The following MDFIC2 variants were observed in gnomAD, a reference collection of about 807,000 sequenced individuals.
MDFIC2 encodes the protein myoD family inhibitor domain-containing protein 2.
At chr3:70,225,169 T>A (rs1701491769) in intron 2 of MDFIC2, among the ~76,000 whole-genome samples, 1 of 152,130 alleles carries the variant, frequency 6.6e-6, no homozygotes, top group South Asian at 2.1e-4. Context: ...TTTTGTGCCA[T>A]GATGAACTAG....
At chr3:70,301,828 C>T (rs1288429258) in intron 2 of MDFIC2, among the ~76,000 whole-genome samples, 1 of 151,936 alleles carries the variant, frequency 6.6e-6, no homozygotes, top group Non-Finnish European at 1.5e-5. Context: ...GGTAACTCTA[C>T]AGGAAGTTTA....
At chr3:70,242,951 A>T (rs1701676263) in intron 2 of MDFIC2, among the ~76,000 whole-genome samples, 1 of 152,070 alleles carries the variant, frequency 6.6e-6, no homozygotes, top group South Asian at 2.1e-4. Flanking sequence ...AAAAGACTTT[A>T]AAAAAATTGC....
intron 2 of MDFIC2, among the ~76,000 whole-genome samples, chr3:70,276,483 G>C (rs1702027669): frequency 6.6e-6 from 1 of 152,112 alleles, no homozygotes; most frequent in Non-Finnish European, 1.5e-5. Context: ...AGAAGTGGCT[G>C]TCCAGTGAAT....
At chr3:70,283,734 G>T (rs566987246) in intron 2 of MDFIC2, 1 of 148,714 alleles carries the variant, frequency 6.7e-6, no homozygotes, top group Non-Finnish European at 1.5e-5. Flanking sequence ...ATTTCATACA[G>T]AGTAACAGAG....
chr3:70,285,232 A>C (rs1702131828), intron 2 of MDFIC2, among the ~76,000 whole-genome samples: 1 of 108,796 alleles, frequency 9.2e-6, no homozygotes, highest in Admixed American at 1.3e-4. Flanking sequence ...AACAGTCCCC[A>C]GAGTGTGATG....
intron 2 of MDFIC2, among the ~76,000 whole-genome samples, chr3:70,245,666 C>G (rs1701699430): frequency 9.2e-6 from 1 of 109,078 alleles, no homozygotes; most frequent in Admixed American, 1.1e-4. Context: ...TTTTTGCAAA[C>G]TGCTTTATAT....
chr3:70,229,134 G>A (rs1432480714), intron 2 of MDFIC2, among the ~76,000 whole-genome samples: 1 of 152,104 alleles, frequency 6.6e-6, no homozygotes, highest in Admixed American at 6.5e-5. Context: ...TTTATCAAAA[G>A]CATAACACTT....
At chr3:70,245,164 T>C (rs922933964) in intron 2 of MDFIC2, among the ~76,000 whole-genome samples, 17 of 152,124 alleles carry the variant, frequency 1.1e-4, no homozygotes, top group African/African-American at 4.1e-4. Context: ...ACATTAACTA[T>C]TTAGGGTGCT....
intron 2 of MDFIC2, among the ~76,000 whole-genome samples, chr3:70,250,328 C>A (rs998199816): frequency 6.6e-6 from 1 of 151,192 alleles, no homozygotes; most frequent in Non-Finnish European, 1.5e-5. Flanking sequence ...CTATTGCCAG[C>A]GACATTTTTT....
At chr3:70,238,304 C>A (rs1013015248) in intron 2 of MDFIC2, among the ~76,000 whole-genome samples, 6 of 151,782 alleles carry the variant, frequency 4.0e-5, no homozygotes, top group African/African-American at 1.5e-4. Context: ...ATTTTTCTGC[C>A]ATGTGTAAAA....
chr3:70,299,034 C>T (rs543626642), intron 2 of MDFIC2, among the ~76,000 whole-genome samples: 7 of 152,046 alleles, frequency 4.6e-5, no homozygotes, highest in Non-Finnish European at 7.4e-5. Context: ...GAGGATCTCA[C>T]GTGGTGCTTT....
Position 70,277,954 on chromosome 3 carries a change from T to C in MDFIC2, c.88+33932A>G, listed in dbSNP as rs115839398. 4.0e-3 allele frequency among the ~76,000 whole-genome samples: 602 copies of C among 152,288 alleles called. 2 individuals carry two copies. The highest frequency in any genetic ancestry group is 0.014 in the African/African-American group (573 of 41,564). ...GCCCTCTCAATGTTTTAAATTTTTG[T>C]TGAGCTACAACTTACATAAAATAAA... On this transcript the variant is annotated intron_variant, in intron 2 of 3. Transcript: ENST00000567252.
At chr3:70,226,897 G>C (rs552386156) in intron 2 of MDFIC2, among the ~76,000 whole-genome samples, 1 of 152,136 alleles carries the variant, frequency 6.6e-6, no homozygotes, top group Admixed American at 6.6e-5. Context: ...AAGAGGGACT[G>C]GTGGGAATTC....
rs189407842 is a variant in MDFIC2, at chr3:70,301,479, T to C, written c.88+10407A>G. ...TTTTCCCAACTGAATTATAAGTTTC[T>C]TTATTGGGCATGGGAATCTCTGTGT... On this transcript the variant is annotated intron_variant, in intron 2 of 3. Coordinates refer to ENST00000567252, the MANE Select transcript of MDFIC2 (RefSeq NM_001364677.1). Among the ~76,000 whole-genome samples the C allele has an allele frequency of 1.8e-3, 277 of 152,242 alleles. 1 individual carries two copies. Among genetic ancestry groups the C allele is most frequent in the African/African-American group, 6.4e-3 (266 of 41,578 alleles).
At chr3:70,257,652 A>G (rs1001818988) in intron 2 of MDFIC2, among the ~76,000 whole-genome samples, 1 of 152,226 alleles carries the variant, frequency 6.6e-6, no homozygotes, top group Non-Finnish European at 1.5e-5. Flanking sequence ...TTGCTTAGAG[A>G]AGTTAAAGAC....
At chr3:70,309,575 T>C (rs1702437329) in intron 2 of MDFIC2, among the ~76,000 whole-genome samples, 1 of 152,194 alleles carries the variant, frequency 6.6e-6, no homozygotes, top group African/African-American at 2.4e-5. Flanking sequence ...ATGGCTGAGC[T>C]GAGATTTAGA....
chr3:70,310,214 A>G (rs1405745781), intron 2 of MDFIC2, among the ~76,000 whole-genome samples: 1 of 152,156 alleles, frequency 6.6e-6, no homozygotes, highest in Non-Finnish European at 1.5e-5. Flanking sequence ...GATTCTGGAA[A>G]TACTTTTTGT....
chr3:70,299,053 C>T (rs1702319288), intron 2 of MDFIC2, among the ~76,000 whole-genome samples: 1 of 151,790 alleles, frequency 6.6e-6, no homozygotes, highest in African/African-American at 2.4e-5. Flanking sequence ...TTGGGTTAGC[C>T]AGATTATAAG....
At chr3:70,289,734 T>C (rs1702211038) in intron 2 of MDFIC2, among the ~76,000 whole-genome samples, 1 of 152,182 alleles carries the variant, frequency 6.6e-6, no homozygotes, top group Non-Finnish European at 1.5e-5. Context: ...CATAGTCCCA[T>C]ATTTCTTGGA....
Sources: gnomAD v4.1 joint callset for allele counts (sites outside exome capture counted in the v4.1 genomes callset) on GRCh38, gnomAD v4.1.1 for gene constraint, MANE v1.5 for transcripts, NCBI Gene and HGNC (gene_info 2026-07-23, HGNC 2026-07-21) for gene names.